ZC3H12B: variants seen among roughly 807,000 people sequenced by gnomAD.
ZC3H12B encodes the protein probable ribonuclease ZC3H12B.
ZC3H12B carries 7 observed loss-of-function variants against 43.9 expected under a neutral mutation model. That is an observed-to-expected ratio of 0.16 (90% CI 0.09 to 0.30). The LOEUF is 0.30. ZC3H12B is among the 10% of genes least tolerant of loss of function. The pLI is 1.00. For missense variants in ZC3H12B, 475 were observed against 670.2 expected (o/e 0.71, Z 3.22); for synonymous variants, 222 against 241.7 (o/e 0.92, Z 0.76).
At chrX:65,439,785 G>A (rs970346404) in intron 3 of ZC3H12B, among the ~76,000 whole-genome samples, 1 of 111,544 alleles carries the variant, frequency 9.0e-6, no homozygotes, top group Non-Finnish European at 1.9e-5. Context: ...ACAGCTTCTT[G>A]ATCTGTCCTT....
chrX:65,229,399 A>G, the ZC3H12B span, among the ~76,000 whole-genome samples: 1 of 108,234 alleles, frequency 9.2e-6, no homozygotes, highest in East Asian at 2.9e-4. Flanking sequence ...TGGATTAAAG[A>G]CTTAAACGTT....
the ZC3H12B span, among the ~76,000 whole-genome samples, chrX:65,066,987 G>A: frequency 1.8e-5 from 2 of 111,253 alleles, no homozygotes; most frequent in Non-Finnish European, 3.8e-5. Flanking sequence ...GATGCCCCTC[G>A]CCCAACCAAG....
chrX:65,205,282 C>G, the ZC3H12B span, among the ~76,000 whole-genome samples: 1 of 111,530 alleles, frequency 9.0e-6, no homozygotes, highest in African/African-American at 3.3e-5. Flanking sequence ...AAACCCAATT[C>G]TAGTTTGTTT....
chrX:65,415,240 G>T (rs1003802762), intron 3 of ZC3H12B, among the ~76,000 whole-genome samples: 1 of 112,319 alleles, frequency 8.9e-6, no homozygotes, highest in Non-Finnish European at 1.9e-5. Flanking sequence ...TTATCATGCC[G>T]ATGAAGGCTC....
the ZC3H12B span, among the ~76,000 whole-genome samples, chrX:65,061,072 C>A: frequency 1.8e-5 from 2 of 111,843 alleles, no homozygotes; most frequent in African/African-American, 3.2e-5. Flanking sequence ...TTTGTAGCTA[C>A]TAATGATCCT....
intron 2 of ZC3H12B, among the ~76,000 whole-genome samples, chrX:65,390,706 G>T (rs1046844366): frequency 8.4e-5 from 9 of 107,341 alleles, no homozygotes; most frequent in Non-Finnish European, 1.7e-4. Context: ...GACATAATCG[G>T]CACTATGGAT....
the ZC3H12B span, among the ~76,000 whole-genome samples, chrX:65,290,666 A>T: frequency 3.6e-5 from 4 of 111,691 alleles, no homozygotes; most frequent in Non-Finnish European, 7.6e-5. Flanking sequence ...GAATAGTTTT[A>T]TCCATTAAAA....
At chrX:65,192,859 T>C in the ZC3H12B span, among the ~76,000 whole-genome samples, 2 of 111,159 alleles carry the variant, frequency 1.8e-5, no homozygotes, top group Non-Finnish European at 3.8e-5. Flanking sequence ...AGTGGCACAA[T>C]CTCGACTAGT....
the ZC3H12B span, among the ~76,000 whole-genome samples, chrX:65,051,838 G>T: frequency 1.8e-5 from 2 of 110,547 alleles, no homozygotes; most frequent in Admixed American, 9.7e-5. Context: ...ATTGACTGGG[G>T]ATGAAATCAC....
the ZC3H12B span, among the ~76,000 whole-genome samples, chrX:65,164,466 A>G: frequency 3.6e-5 from 4 of 111,748 alleles, no homozygotes; most frequent in African/African-American, 9.7e-5. Flanking sequence ...CTCTGGCTAC[A>G]TGACTCCTGA....
chrX:65,141,307 C>T, the ZC3H12B span, among the ~76,000 whole-genome samples: 1 of 109,644 alleles, frequency 9.1e-6, no homozygotes, highest in East Asian at 2.8e-4. Flanking sequence ...TTCTTTGATG[C>T]ATTTTTGTTC....
chrX:65,071,818 C>T, the ZC3H12B span, among the ~76,000 whole-genome samples: 1 of 111,983 alleles, frequency 8.9e-6, no homozygotes, highest in Non-Finnish European at 1.9e-5. Context: ...ACTGAGGCGT[C>T]CACTGTTAGT....
the ZC3H12B span, among the ~76,000 whole-genome samples, chrX:65,120,700 T>G: frequency 9.0e-6 from 1 of 111,486 alleles, no homozygotes; most frequent in Non-Finnish European, 1.9e-5. Context: ...ATAGGAGTGG[T>G]GACAGAGGGC....
At chrX:65,236,522 C>A in the ZC3H12B span, among the ~76,000 whole-genome samples, 4 of 111,766 alleles carry the variant, frequency 3.6e-5, no homozygotes, top group African/African-American at 1.3e-4. Context: ...ATGATAGTTT[C>A]TTTTGCTGTG....
chrX:65,407,227 G>A (rs1055462020), intron 3 of ZC3H12B, among the ~76,000 whole-genome samples: 1 of 112,922 alleles, frequency 8.9e-6, no homozygotes, highest in Non-Finnish European at 1.9e-5. Flanking sequence ...CGGCCGTGCA[G>A]GGCGAGTGCG....
At chrX:65,417,484 G>C (rs1444296356) in intron 3 of ZC3H12B, among the ~76,000 whole-genome samples, 1 of 112,549 alleles carries the variant, frequency 8.9e-6, no homozygotes, top group African/African-American at 3.2e-5. Context: ...AAAGGTGTAT[G>C]AGCTTTATTT....
chrX:65,201,499 C>A, the ZC3H12B span, among the ~76,000 whole-genome samples: 19 of 111,237 alleles, frequency 1.7e-4, no homozygotes, highest in Admixed American at 1.5e-3. Flanking sequence ...AAAACAGCTT[C>A]TTTATTCATT....
At chrX:65,169,195 A>G in the ZC3H12B span, among the ~76,000 whole-genome samples, 1 of 111,131 alleles carries the variant, frequency 9.0e-6, no homozygotes, top group Non-Finnish European at 1.9e-5. Flanking sequence ...TCTTCTACAC[A>G]TTGCTTTAAA....
chrX:65,145,318 T>C, the ZC3H12B span, among the ~76,000 whole-genome samples: 1 of 109,761 alleles, frequency 9.1e-6, no homozygotes, highest in Non-Finnish European at 1.9e-5. Context: ...TCCTCTTGCA[T>C]GATGTCTTTT....
Sources: gnomAD v4.1 joint callset for allele counts (sites outside exome capture counted in the v4.1 genomes callset) on GRCh38, gnomAD v4.1.1 for gene constraint, MANE v1.5 for transcripts, NCBI Gene and HGNC (gene_info 2026-07-23, HGNC 2026-07-21) for gene names.